ABCA13: variants seen among roughly 807,000 people sequenced by gnomAD.
ABCA13 encodes the protein ATP binding cassette subfamily A member 13.
ABCA13 carries 476 observed loss-of-function variants against 478.7 expected under a neutral mutation model. That is an observed-to-expected ratio of 0.99 (90% CI 0.92 to 1.07). The LOEUF (loss-of-function observed/expected upper bound fraction) is 1.07, where lower values mean the gene tolerates loss of function less well. Ranked by LOEUF, ABCA13 falls within the 50% of genes least tolerant of loss-of-function variation. The probability of loss-of-function intolerance (pLI) is 0.00; values close to 1 mark genes in which losing one functional copy is unlikely to be tolerated. For synonymous variants in ABCA13, 2,252 were observed against 2,158.9 expected, an observed-to-expected ratio of 1.04 and a Z score of -1.20; for missense variants, 6,060 against 5,910.6, an observed-to-expected ratio of 1.03 and a Z score of -0.83.
chr7:48,318,696 G>A (rs1032581821), intron 27 of ABCA13, among the ~76,000 whole-genome samples: 1 of 152,026 alleles, frequency 6.6e-6, no homozygotes, highest in Non-Finnish European at 1.5e-5. Flanking sequence ...GCCATCCCAG[G>A]ACTGGAGCCT....
Position 48,278,965 on chromosome 7 carries a change from T to C in ABCA13, c.7771T>C (p.Leu2591=), listed in dbSNP as rs756154500. 6.2e-7 allele frequency: 1 copy of C among 1,613,446 alleles called. No homozygotes were observed. Among genetic ancestry groups the C allele is most frequent in the Non-Finnish European group, 8.5e-7 (1 of 1,179,820 alleles). ...CACATTTGAAAAGATAAATGATTTG[T>C]TGGTGCCATTTCTTGACTTGGCCTT... The part of the protein sequence containing the change: ...HFTFEKINDL[L]VPFLDLAFEM... Residue 2591 remains leucine, a synonymous_variant, in exon 18 of 62, where the codon TTG becomes CTG. Coordinates refer to ENST00000435803, the MANE Select transcript of ABCA13 (RefSeq NM_152701.5).
At chr7:48,329,199 A>G (rs1193582533) in intron 27 of ABCA13, among the ~76,000 whole-genome samples, 3 of 152,226 alleles carry the variant, frequency 2.0e-5, no homozygotes, top group African/African-American at 7.2e-5. Flanking sequence ...TTGTAAACAT[A>G]TAGATAAACT....
chr7:48,452,621 G>A (rs1309273756), intron 42 of ABCA13, among the ~76,000 whole-genome samples: 1 of 152,212 alleles, frequency 6.6e-6, no homozygotes, highest in Non-Finnish European at 1.5e-5. Context: ...AATATGAGAA[G>A]GTGCACAGTT....
At chr7:48,375,707 G>T (rs1813372392) in intron 34 of ABCA13, among the ~76,000 whole-genome samples, 1 of 151,844 alleles carries the variant, frequency 6.6e-6, no homozygotes, top group Non-Finnish European at 1.5e-5. Flanking sequence ...AATTTGTACT[G>T]GTCTTTGAGT....
intron 20 of ABCA13, among the ~76,000 whole-genome samples, chr7:48,289,147 G>C (rs2128807294): frequency 6.6e-6 from 1 of 152,282 alleles, no homozygotes; most frequent in African/African-American, 2.4e-5. Context: ...TCAGGAGGGA[G>C]TGAGAGCTGC....
At chr7:48,450,985 CTTTTCT>C (rs1196517175) in intron 42 of ABCA13, among the ~76,000 whole-genome samples, 7 of 118,640 alleles carry the variant, frequency 5.9e-5, no homozygotes, top group Non-Finnish European at 1.0e-4. Context: ...TTTTTTTTTT[CTTTTCT>C]TTTTCTTTTT....
intron 28 of ABCA13, among the ~76,000 whole-genome samples, chr7:48,337,545 T>C (rs529647696): frequency 2.0e-5 from 3 of 152,336 alleles, no homozygotes; most frequent in South Asian, 2.1e-4. Flanking sequence ...AGAATTCCTA[T>C]ATGGACCTCT....
chr7:48,553,097 TC>T (rs1222689052), intron 55 of ABCA13, among the ~76,000 whole-genome samples: 1 of 152,134 alleles, frequency 6.6e-6, no homozygotes, highest in Non-Finnish European at 1.5e-5. Context: ...TTGGTTTATT[TC>T]ACTTAACACA....
In ABCA13 at chr7:48,528,339, C is replaced by T. The variant is rs1484189929; in HGVS notation, c.14348C>T (p.Pro4783Leu). Residue 4783 changes from proline to leucine, a missense_variant, in exon 55 of 62, where the codon CCC becomes CTC. Coordinates refer to ENST00000435803, the MANE Select transcript of ABCA13 (RefSeq NM_152701.5). Reference sequence around the variant, plus strand: ...TCAGGACATGCTATCATCAGGACTCCCATGGGGTAAGATACAGATTTCATC... The same window carrying T: ...TCAGGACATGCTATCATCAGGACTCTCATGGGGTAAGATACAGATTTCATC... ...LTSGHAIIRT[P>L]MGDAVDLSSA... is the part of the protein sequence containing the mutation. The T allele has an allele frequency of 3.2e-6, 5 of 1,554,806 alleles. No individual in the cohort carries two copies. Among genetic ancestry groups the T allele is most frequent in the Non-Finnish European group, 4.4e-6 (5 of 1,148,334 alleles).
intron 49 of ABCA13, 65 bp from the exon 50 acceptor site, chr7:48,507,807 G>A: frequency 6.8e-7 from 1 of 1,471,880 alleles, no homozygotes; most frequent in Non-Finnish European, 9.1e-7. Flanking sequence ...ATTGCTGATT[G>A]TTATTAGCAA....
At chr7:48,440,610 TA>T (rs1245359684) in intron 42 of ABCA13, among the ~76,000 whole-genome samples, 1 of 152,084 alleles carries the variant, frequency 6.6e-6, no homozygotes, top group Non-Finnish European at 1.5e-5. Context: ...CTTTTATATG[TA>T]AGATCGAATT....
intron 53 of ABCA13, among the ~76,000 whole-genome samples, chr7:48,521,059 A>G (rs1430226872): frequency 7.7e-6 from 1 of 129,868 alleles, no homozygotes; most frequent in African/African-American, 3.7e-5. Context: ...GTTTATACAC[A>G]TGCATGCACA....
rs1431668703 is a variant in ABCA13 at position 48,520,164 on chromosome 7, G to A, written c.13921G>A (p.Gly4641Ser). 7 of 1,613,684 alleles carry A rather than the reference G, an allele frequency of 4.3e-6. No individual in the cohort carries two copies. Among genetic ancestry groups the A allele is most frequent in the Admixed American group, 1.7e-5 (1 of 59,982 alleles). ...CAAATATGACCTGACCCACAACTTC[G>A]GCATTGATTCCTATGTGAGTCCCTT... is the stretch of plus-strand genomic sequence containing the variant. The part of the protein sequence containing the change: ...QIKYDLTHNF[G>S]IDSYVSPFEM... Residue 4641 changes from glycine (G) to serine (S), a missense_variant, in exon 53 of 62, where the codon GGC becomes AGC. By Grantham distance (56) the Gly-to-Ser change is moderately conservative (BLOSUM62 0). This residue lies in a region of ABCA13 where 1,627 missense variants were observed against 1,571.0 expected (regional missense o/e 1.04). Coordinates refer to ENST00000435803, the MANE Select transcript of ABCA13 (RefSeq NM_152701.5).
intron 38 of ABCA13, among the ~76,000 whole-genome samples, chr7:48,395,919 T>C (rs1413658464): frequency 6.6e-6 from 1 of 152,188 alleles, no homozygotes; most frequent in Non-Finnish European, 1.5e-5. Flanking sequence ...TGTGGTGCTT[T>C]AAGTCCCTGC....
intron 35 of ABCA13, among the ~76,000 whole-genome samples, chr7:48,382,385 C>T (rs932987723): frequency 4.3e-4 from 65 of 152,314 alleles, no homozygotes; most frequent in African/African-American, 1.4e-3. Flanking sequence ...TCAGGCCACC[C>T]GAACCTGCTC....
In ABCA13 at chr7:48,249,558, A is replaced by G. The variant is rs570225093; in HGVS notation, c.2005+207A>G. ...CCAGAAGTCCTGGTTTGACTGAGCT[A>G]CATTGTTCCTGCAAAATTTATAATA... On this transcript the variant is annotated intron_variant, in intron 15 of 61. Coordinates refer to ENST00000435803, the MANE Select transcript of ABCA13 (RefSeq NM_152701.5). Among the ~76,000 whole-genome samples the G allele has an allele frequency of 4.6e-5, 7 of 152,292 alleles. No homozygotes were observed. In the South Asian group the frequency reaches 1.5e-3, roughly 32 times the overall value.
At chr7:48,303,100 T>C (rs1274249036) in intron 23 of ABCA13, among the ~76,000 whole-genome samples, 1 of 152,176 alleles carries the variant, frequency 6.6e-6, no homozygotes, top group African/African-American at 2.4e-5. Context: ...AATATTGAGA[T>C]TTTTTTCATA....
intron 20 of ABCA13, among the ~76,000 whole-genome samples, chr7:48,288,553 T>G (rs754250314): frequency 8.5e-5 from 13 of 152,196 alleles, no homozygotes; most frequent in Admixed American, 2.6e-4. Context: ...TTCCCTTCTC[T>G]ACGTTTAATG....
chr7:48,340,282 T>C (rs1806937083), intron 29 of ABCA13, among the ~76,000 whole-genome samples: 1 of 152,076 alleles, frequency 6.6e-6, no homozygotes, highest in Admixed American at 6.6e-5. Flanking sequence ...AATTTTTGTA[T>C]TTTTAGTAGA....
Sources: gnomAD v4.1 joint callset for allele counts (sites outside exome capture counted in the v4.1 genomes callset) on GRCh38, gnomAD v4.1.1 for gene constraint, gnomAD v4.1.1 regional missense constraint, MANE v1.5 for transcripts, NCBI Gene and HGNC (gene_info 2026-07-23, HGNC 2026-07-21) for gene names.